Variants in NARS2 observed in about 807,000 individuals in gnomAD.
NARS2 encodes the protein asparaginyl-tRNA synthetase 2, mitochondrial.
In NARS2, 60 loss-of-function variants were observed where a neutral mutation model predicts 62.9. The observed-to-expected ratio is 0.95, with a 90% CI of 0.77 to 1.18. The LOEUF is 1.18. Among genes scored for constraint, NARS2 ranks in the 50% most tolerant of loss-of-function variants. The probability of loss-of-function intolerance (pLI) is 0.00; values close to 1 mark genes in which losing one functional copy is unlikely to be tolerated. For synonymous variants in NARS2, 196 were observed against 200.0 expected (o/e 0.98, Z 0.17); for missense variants, 619 against 576.4 (o/e 1.07, Z -0.76).
At chr11:78,468,053 A>G (rs1858697771) in intron 10 of NARS2, among the ~76,000 whole-genome samples, 1 of 151,008 alleles carries the variant, frequency 6.6e-6, no homozygotes, top group Non-Finnish European at 1.5e-5. Flanking sequence ...AAAAAAAAAA[A>G]AAAAGAATTC....
chr11:78,445,401 A>T (rs1265284242), intron 11 of NARS2, among the ~76,000 whole-genome samples: 1 of 152,200 alleles, frequency 6.6e-6, no homozygotes, highest in Non-Finnish European at 1.5e-5. Flanking sequence ...TGGGCGGATC[A>T]CCTGAGGTCA....
chr11:78,479,158 T>C (rs935597361), intron 7 of NARS2, among the ~76,000 whole-genome samples: 4 of 152,186 alleles, frequency 2.6e-5, no homozygotes, highest in Non-Finnish European at 5.9e-5. Flanking sequence ...CATTCGCTCA[T>C]TGGTAAATGA....
At chr11:78,519,989 A>G (rs1861054788) in intron 6 of NARS2, among the ~76,000 whole-genome samples, 1 of 152,248 alleles carries the variant, frequency 6.6e-6, no homozygotes, top group South Asian at 2.1e-4. Flanking sequence ...CACCACGTCC[A>G]GCTAGTTTTT....
intron 11 of NARS2, among the ~76,000 whole-genome samples, chr11:78,461,990 G>A (rs1453479260): frequency 6.6e-6 from 1 of 152,086 alleles, no homozygotes; most frequent in Non-Finnish European, 1.5e-5. Context: ...AACTCATTAA[G>A]AGATTACAGA....
chr11:78,514,466 C>A (rs1263550616), intron 6 of NARS2, among the ~76,000 whole-genome samples: 1 of 152,176 alleles, frequency 6.6e-6, no homozygotes, highest in South Asian at 2.1e-4. Context: ...ACACATCTCA[C>A]TACAGTAACC....
chr11:78,535,212 C>T (rs1362482769), intron 5 of NARS2, among the ~76,000 whole-genome samples: 1 of 152,154 alleles, frequency 6.6e-6, no homozygotes, highest in Admixed American at 6.5e-5. Context: ...TGTTTTCCCC[C>T]GCCAAGGAAT....
intron 5 of NARS2, among the ~76,000 whole-genome samples, chr11:78,557,709 A>G (rs552710098): frequency 9.2e-5 from 14 of 151,576 alleles, no homozygotes; most frequent in Middle Eastern, 6.8e-3. Context: ...TCAGAAATAC[A>G]TTTTTTTCCT....
chr11:78,459,871 TTAG>T (rs1438812235), intron 11 of NARS2, among the ~76,000 whole-genome samples: 1 of 152,144 alleles, frequency 6.6e-6, no homozygotes, highest in Non-Finnish European at 1.5e-5. Flanking sequence ...GGATTAAGAG[TTAG>T]TATCTCTGGG....
intron 5 of NARS2, among the ~76,000 whole-genome samples, chr11:78,534,885 T>C (rs181513754): frequency 6.6e-6 from 1 of 152,204 alleles, no homozygotes. Context: ...TGTTAATCCT[T>C]GGGAATTAAG....
chr11:78,468,039 GAAA>G (rs779408846), intron 10 of NARS2, among the ~76,000 whole-genome samples: 2 of 86,112 alleles, frequency 2.3e-5, no homozygotes, highest in African/African-American at 3.7e-5. Flanking sequence ...AGTAAGTATT[GAAA>G]AAAAAAAAAA....
At chr11:78,438,664 A>G (rs550153508) in intron 13 of NARS2, among the ~76,000 whole-genome samples, 2 of 152,310 alleles carry the variant, frequency 1.3e-5, no homozygotes, top group African/African-American at 4.8e-5. Flanking sequence ...TATTTGTTTG[A>G]TTGTTGTTAA....
intron 9 of NARS2, among the ~76,000 whole-genome samples, chr11:78,476,550 C>T (rs944350029): frequency 6.6e-6 from 1 of 152,174 alleles, no homozygotes; most frequent in Non-Finnish European, 1.5e-5. Context: ...AATTTCATTC[C>T]CAAATTTTGG....
intron 3 of NARS2, among the ~76,000 whole-genome samples, chr11:78,567,478 A>G (rs1856783685): frequency 1.3e-5 from 2 of 152,192 alleles, no homozygotes; most frequent in South Asian, 4.1e-4. Flanking sequence ...AAACCGTGAA[A>G]AGCAAAACCA....
At chr11:78,492,369 T>C (rs147746808) in intron 7 of NARS2, among the ~76,000 whole-genome samples, 22 of 152,326 alleles carry the variant, frequency 1.4e-4, no homozygotes, top group Middle Eastern at 3.4e-3. Flanking sequence ...TCTACTTTTA[T>C]CTACCTCTAA....
At chr11:78,461,383 G>A (rs979403028) in intron 11 of NARS2, among the ~76,000 whole-genome samples, 6 of 152,004 alleles carry the variant, frequency 3.9e-5, no homozygotes, top group Non-Finnish European at 7.4e-5. Context: ...ATAATGTGAT[G>A]TCACAGAAGT....
At chr11:78,448,072 A>G (rs965388309) in intron 11 of NARS2, among the ~76,000 whole-genome samples, 4 of 152,222 alleles carry the variant, frequency 2.6e-5, no homozygotes, top group African/African-American at 4.8e-5. Context: ...AAAATGATAG[A>G]TAAGTCAGGT....
intron 11 of NARS2, among the ~76,000 whole-genome samples, chr11:78,450,663 TG>T (rs370023099): frequency 1.4e-4 from 20 of 148,096 alleles, no homozygotes; most frequent in Non-Finnish European, 2.4e-4. Context: ...ACAAAAGCCT[TG>T]TCTTTTTTTT....
intron 6 of NARS2, among the ~76,000 whole-genome samples, chr11:78,502,991 C>CA (rs550751384): frequency 0.62 from 51,080 of 82,760 alleles, 16,701 homozygotes; most frequent in Non-Finnish European, 0.72. Context: ...GAGACTGTCT[C>CA]AAAAAAAAAA....
chr11:78,571,546 C>A, intron 1 of NARS2, 102 bp from the exon 2 acceptor site: 1 of 730,764 alleles, frequency 1.4e-6, no homozygotes, highest in Non-Finnish European at 2.3e-6. Context: ...ACTCACAATC[C>A]TGCCTCAACA....
Sources: allele counts gnomAD v4.1 joint callset (sites outside exome capture counted in the v4.1 genomes callset), GRCh38; gene constraint gnomAD v4.1.1; transcripts MANE v1.5; gene names NCBI Gene and HGNC (gene_info 2026-07-23, HGNC 2026-07-21).